ADAMTSL1: variants seen among roughly 807,000 people sequenced by gnomAD.
ADAMTSL1 encodes the protein ADAMTS like 1, also known as ADAMTS-like protein 1.
Under a neutral mutation model 201.8 loss-of-function variants are expected in ADAMTSL1, and 126 were observed. The observed-to-expected ratio is 0.62, with a 90% CI of 0.54 to 0.72. The LOEUF (loss-of-function observed/expected upper bound fraction) is 0.72, where lower values mean the gene tolerates loss of function less well. ADAMTSL1 is among the 30% of genes least tolerant of loss of function. ADAMTSL1 has a pLI of 0.00. For missense variants in ADAMTSL1, 2,679 were observed against 2,277.8 expected, an observed-to-expected ratio of 1.18 and a Z score of -3.59; for synonymous variants, 1,121 against 903.4, an observed-to-expected ratio of 1.24 and a Z score of -4.32.
intron 1 of ADAMTSL1, among the ~76,000 whole-genome samples, chr9:18,013,984 C>G (rs1820157097): frequency 1.3e-5 from 2 of 152,050 alleles, no homozygotes; most frequent in South Asian, 4.1e-4. Flanking sequence ...CTTTTGAAAT[C>G]TGTTCCCTCA....
chr9:18,420,907 C>T (rs1443908865), intron 2 of ADAMTSL1, among the ~76,000 whole-genome samples: 2 of 152,112 alleles, frequency 1.3e-5, no homozygotes, highest in African/African-American at 4.8e-5. Context: ...TAAGGCTGTG[C>T]CTTGGCCCTC....
At chr9:18,691,063 T>C (rs947632745) in intron 13 of ADAMTSL1, among the ~76,000 whole-genome samples, 1 of 152,214 alleles carries the variant, frequency 6.6e-6, no homozygotes, top group Non-Finnish European at 1.5e-5. Flanking sequence ...GTACTGGTTG[T>C]CTATCCACAG....
intron 15 of ADAMTSL1, among the ~76,000 whole-genome samples, chr9:18,743,951 C>T (rs1465879359): frequency 6.6e-6 from 1 of 152,218 alleles, no homozygotes; most frequent in Non-Finnish European, 1.5e-5. Flanking sequence ...TCGTGATTCA[C>T]TCCTCCAGTC....
Position 18,684,733 on chromosome 9 carries a change from G to T in ADAMTSL1, c.1507G>T (p.Ala503Ser), listed in dbSNP as rs149221350. ...ATTCTCAGAGAAACTTCCAGTCGAG[G>T]CCAAGTTGCCATGGTTCAAACAAGC... Reference protein sequence around the residue: ...YKPKEKLPVEAKLPWFKQAQE... With the variant: ...YKPKEKLPVESKLPWFKQAQE... Residue 503 changes from alanine (A) to serine (S), a missense_variant, in exon 13 of 29, where the codon GCC becomes TCC. Physicochemically the swap from Ala to Ser is moderately conservative, Grantham distance 99. Transcript: ENST00000380548. The T allele has an allele frequency of 1.7e-3, 2,668 of 1,612,948 alleles. 3 individuals are homozygous for T. The highest frequency in any genetic ancestry group is 4.0e-3 in the Admixed American group (242 of 59,938).
At chr9:18,890,363 G>T (rs1248970806) in intron 25 of ADAMTSL1, among the ~76,000 whole-genome samples, 1 of 152,120 alleles carries the variant, frequency 6.6e-6, no homozygotes, top group Non-Finnish European at 1.5e-5. Context: ...GCTTCAAGAG[G>T]CTATGAGTCC....
At chr9:18,521,907 T>G (rs6475225) in intron 2 of ADAMTSL1, among the ~76,000 whole-genome samples, 87,883 of 151,926 alleles carry the variant, frequency 0.58, 25,736 homozygotes, top group East Asian at 0.8. Context: ...CCTCTTTCTC[T>G]CCCATGTGAG....
At chr9:18,285,595 TC>T (rs1832962050) in intron 2 of ADAMTSL1, among the ~76,000 whole-genome samples, 1 of 152,128 alleles carries the variant, frequency 6.6e-6, no homozygotes, top group Admixed American at 6.5e-5. Flanking sequence ...TTTTCTTTTT[TC>T]TTTTTTTAAA....
At chr9:18,836,710 T>C (rs1334947549) in intron 23 of ADAMTSL1, among the ~76,000 whole-genome samples, 1 of 152,218 alleles carries the variant, frequency 6.6e-6, no homozygotes, top group African/African-American at 2.4e-5. Flanking sequence ...ACTAATGATA[T>C]TGGTTCTTCT....
At chr9:18,622,429 G>A (rs772146760) in intron 5 of ADAMTSL1, 60 bp downstream of exon 5, 31 of 1,609,312 alleles carry the variant, frequency 1.9e-5, no homozygotes, top group Non-Finnish European at 4.2e-6. Flanking sequence ...CCTGGCTTAG[G>A]TCTGGCCCCA....
intron 23 of ADAMTSL1, among the ~76,000 whole-genome samples, chr9:18,831,796 C>T (rs759308951): frequency 1.3e-5 from 2 of 152,124 alleles, no homozygotes; most frequent in Non-Finnish European, 2.9e-5. Context: ...ATGTCAGTGT[C>T]ACGCCAGCAC....
intron 2 of ADAMTSL1, among the ~76,000 whole-genome samples, chr9:18,426,021 G>T (rs993492583): frequency 6.6e-6 from 1 of 152,140 alleles, no homozygotes; most frequent in East Asian, 1.9e-4. Context: ...GATGTGGGAT[G>T]CTTATATTTT....
chr9:18,114,442 T>G (rs150861284), intron 1 of ADAMTSL1, among the ~76,000 whole-genome samples: 3 of 152,222 alleles, frequency 2.0e-5, no homozygotes, highest in African/African-American at 7.2e-5. Flanking sequence ...GTATGTATTC[T>G]GATATCAGAA....
rs1450358715 is a variant in ADAMTSL1, at chr9:18,162,006, A to G, written c.88-1856A>G. 2.6e-5 allele frequency among the ~76,000 whole-genome samples: 4 copies of G among 152,072 alleles called. No individual in the cohort carries two copies. The East Asian group carries it at 7.7e-4, about 29-fold the overall frequency. On this transcript the variant is annotated intron_variant, in intron 1 of 29. Coordinates refer to the ADAMTSL1 transcript ENST00000680146. The stretch of plus-strand genomic sequence containing the variant: ...TCTATTGCTGCCATAACAAATTACC[A>G]CAAATTTAAAGGCTTAAAATAGCAC...
intron 2 of ADAMTSL1, among the ~76,000 whole-genome samples, chr9:18,333,939 A>G (rs565880775): frequency 1.6e-3 from 245 of 152,248 alleles, no homozygotes; most frequent in Non-Finnish European, 2.8e-3. Context: ...CAGATCTTCC[A>G]TTAGAGGCCC....
intron 16 of ADAMTSL1, among the ~76,000 whole-genome samples, chr9:18,758,960 C>A (rs1260466766): frequency 6.6e-6 from 1 of 152,134 alleles, no homozygotes; most frequent in African/African-American, 2.4e-5. Flanking sequence ...AATATTCCTT[C>A]ATTTGTTTTT....
chr9:17,984,519 C>A (rs1279307141), intron 1 of ADAMTSL1, among the ~76,000 whole-genome samples: 1 of 151,672 alleles, frequency 6.6e-6, no homozygotes, highest in Admixed American at 6.6e-5. Flanking sequence ...AAGTATGTAC[C>A]AATTGACAAG....
chr9:18,408,977 G>C (rs947633857), intron 2 of ADAMTSL1, among the ~76,000 whole-genome samples: 2 of 152,180 alleles, frequency 1.3e-5, no homozygotes, highest in African/African-American at 2.4e-5. Context: ...GGTTTACTTT[G>C]ATACACCTGA....
intron 23 of ADAMTSL1, among the ~76,000 whole-genome samples, chr9:18,867,171 G>A (rs915815779): frequency 6.6e-6 from 1 of 152,196 alleles, no homozygotes; most frequent in African/African-American, 2.4e-5. Context: ...GCCACACACA[G>A]CAACCAACCT....
chr9:18,543,346 CT>C (rs34284261), intron 3 of ADAMTSL1, among the ~76,000 whole-genome samples: 23 of 149,174 alleles, frequency 1.5e-4, no homozygotes, highest in South Asian at 2.1e-4. Context: ...TGACCCACAG[CT>C]TTTTTTTTTA....
Sources: allele counts gnomAD v4.1 joint callset (sites outside exome capture counted in the v4.1 genomes callset), GRCh38; gene constraint gnomAD v4.1.1; transcripts MANE v1.5; gene names NCBI Gene and HGNC (gene_info 2026-07-23, HGNC 2026-07-21).